Variants in PRH1 observed in about 807,000 individuals in gnomAD.
PRH1 encodes proline rich protein HaeIII subfamily 1, also known as salivary acidic proline-rich phosphoprotein 1/2.
A neutral mutation model predicts 7.9 loss-of-function variants in PRH1; 7 were observed. The observed-to-expected ratio is 0.89, with a 90% confidence interval of 0.50 to 1.67. The LOEUF (loss-of-function observed/expected upper bound fraction) is 1.67. Ranked by LOEUF, PRH1 falls within the 40% of genes most tolerant of loss-of-function variation. The pLI, the probability that PRH1 is intolerant of heterozygous loss-of-function variation, is 0.00. For synonymous variants in PRH1, 45 were observed against 80.8 expected, an observed-to-expected ratio of 0.56 and a Z score of 2.38; for missense variants, 109 against 223.6, an observed-to-expected ratio of 0.49 and a Z score of 3.27.
At chr12:10,941,541 TATTATTAAAA>T (rs1377547466) in intron 2 of PRH1, among the ~76,000 whole-genome samples, 3 of 147,888 alleles carry the variant, frequency 2.0e-5, no homozygotes, top group African/African-American at 7.5e-5. Flanking sequence ...TGAATTTATT[TATTATTAAAA>T]TTTATTATTT....
chr12:11,161,120 C>T (rs538067454), intron 1 of PRH1, among the ~76,000 whole-genome samples: 2 of 152,306 alleles, frequency 1.3e-5, no homozygotes, highest in East Asian at 3.9e-4. Flanking sequence ...CTCCTCCATG[C>T]ACCTTTTCTG....
intron 2 of PRH1, chr12:10,930,236 A>G (rs1237068274): frequency 6.2e-7 from 1 of 1,608,732 alleles, no homozygotes; most frequent in East Asian, 2.2e-5. Context: ...TTCATGCAGT[A>G]ACTTTTCCCA....
upstream of PRH1, chr12:11,048,775 T>A: frequency 3.3e-6 from 1 of 302,530 alleles, no homozygotes; most frequent in Non-Finnish European, 6.6e-6. Flanking sequence ...CCAAGACAAA[T>A]TTCCTTCATA....
At chr12:10,896,907 G>A (rs1050317321) in intron 2 of PRH1, 165 of 152,188 alleles carry the variant, frequency 1.1e-3, no homozygotes, top group African/African-American at 3.7e-3. Context: ...TAATAAAAAT[G>A]CTATAATAAT....
chr12:11,084,808 TTTTTCTTTTC>T (rs1944633562), intron 1 of PRH1, among the ~76,000 whole-genome samples: 1 of 113,040 alleles, frequency 8.8e-6, no homozygotes, highest in African/African-American at 3.0e-5. Context: ...TTCATATTCT[TTTTTCTTTTC>T]TTTTCTTTTT....
intron 1 of PRH1, among the ~76,000 whole-genome samples, chr12:11,125,276 T>A (rs1946075857): frequency 6.6e-6 from 1 of 152,292 alleles, no homozygotes; most frequent in Non-Finnish European, 1.5e-5. Context: ...TTCTAAAAAT[T>A]ACAGTAAAAT....
intron 1 of PRH1, among the ~76,000 whole-genome samples, chr12:10,977,684 T>C (rs1939167824): frequency 6.6e-6 from 1 of 152,184 alleles, no homozygotes; most frequent in Non-Finnish European, 1.5e-5. Flanking sequence ...AAAATCTCCT[T>C]GATCTTACAA....
chr12:10,884,239 A>G lies in PRH1; in HGVS notation c.-22T>C, dbSNP rs1314598986. 6.2e-7 allele frequency: 1 copy of G among 1,613,968 alleles called. No homozygotes were observed. Among genetic ancestry groups the G allele is most frequent in the African/African-American group, 1.3e-5 (1 of 74,884 alleles). On this transcript the variant is annotated 5_prime_UTR_variant, in exon 1 of 4. Coordinates refer to ENST00000543626, the MANE Select transcript of PRH1 (RefSeq NM_001393989.1). ...GCATCTTGCAGGAGGCTCTGGTGTC[A>G]CTCCCAACTTTGTGCTGGGAGAAAC...
At chr12:11,006,450 C>G (rs1408015170) in intron 1 of PRH1, among the ~76,000 whole-genome samples, 2 of 149,650 alleles carry the variant, frequency 1.3e-5, no homozygotes, top group Admixed American at 6.7e-5. Context: ...TCATACCTCG[C>G]CGTAGTCTTG....
intron 1 of PRH1, among the ~76,000 whole-genome samples, chr12:11,084,871 G>C (rs145035530): frequency 0.026 from 2,899 of 110,432 alleles, 842 homozygotes; most frequent in South Asian, 0.038. Flanking sequence ...GGAGTGCAGT[G>C]GCATGATCTT....
At position 10,938,858 on chromosome 12, in the gene PRH1, G is replaced by C. The variant is rs762781154; in HGVS notation, c.-59+34797C>G. On this transcript the variant is annotated intron_variant, in intron 2 of 3. Transcript: ENST00000539853. ...CCTCCACTTTAGGTAGAGAAAAATA[G>C]AGTTAGAAAAATTGGCTATCTTGAG... 5 of 1,613,484 alleles carry C rather than the reference G, an allele frequency of 3.1e-6. No individual in the cohort carries two copies. The African/African-American group carries it at 6.7e-5, about 22-fold the overall frequency.
intron 1 of PRH1, among the ~76,000 whole-genome samples, chr12:11,022,781 C>G (rs917226278): frequency 1.3e-5 from 2 of 152,108 alleles, no homozygotes; most frequent in African/African-American, 4.8e-5. Flanking sequence ...GGTCATTATT[C>G]TCAAAACAGC....
intron 1 of PRH1, among the ~76,000 whole-genome samples, chr12:11,113,553 C>G (rs1178461128): frequency 6.6e-6 from 1 of 152,082 alleles, no homozygotes; most frequent in Admixed American, 6.5e-5. Context: ...ACACATTATA[C>G]AAAAATTAAT....
At chr12:10,895,807 T>A (rs1949636563) in intron 2 of PRH1, 1 of 152,226 alleles carries the variant, frequency 6.6e-6, no homozygotes, top group South Asian at 2.1e-4. Flanking sequence ...ATACAATGAA[T>A]CAATTTCCCA....
At chr12:11,065,328 G>A (rs558587035) in intron 1 of PRH1, among the ~76,000 whole-genome samples, 2 of 152,054 alleles carry the variant, frequency 1.3e-5, no homozygotes, top group East Asian at 1.9e-4. Context: ...AAGTTTGATG[G>A]TTTCTAAAAA....
At chr12:11,030,430 T>C in intron 1 of PRH1, 2 of 1,614,192 alleles carry the variant, frequency 1.2e-6, no homozygotes, top group Non-Finnish European at 1.7e-6. Flanking sequence ...GCTTCTCTCC[T>C]TTCACCCAGT....
chr12:11,138,978 T>G (rs1239194928), intron 1 of PRH1, among the ~76,000 whole-genome samples: 1 of 152,178 alleles, frequency 6.6e-6, no homozygotes, highest in Non-Finnish European at 1.5e-5. Flanking sequence ...TGGCAGAGGT[T>G]GCATTGAGCC....
intron 1 of PRH1, among the ~76,000 whole-genome samples, chr12:11,129,387 T>C (rs1465192182): frequency 6.6e-6 from 1 of 152,294 alleles, no homozygotes; most frequent in Non-Finnish European, 1.5e-5. Flanking sequence ...AACATTATTA[T>C]AGCAGGACCA....
chr12:10,885,417 G>T (rs116691858), upstream of PRH1, among the ~76,000 whole-genome samples: 89 of 151,658 alleles, frequency 5.9e-4, 1 homozygote, highest in African/African-American at 1.7e-3. Flanking sequence ...CCCTACAAAG[G>T]TGTCCTTTAT....
Sources: gnomAD v4.1 joint callset for allele counts (sites outside exome capture counted in the v4.1 genomes callset) on GRCh38, gnomAD v4.1.1 for gene constraint, MANE v1.5 for transcripts, NCBI Gene and HGNC (gene_info 2026-07-23, HGNC 2026-07-21) for gene names.